The following ADAM12 variants were observed in gnomAD, a reference collection of about 807,000 sequenced individuals.
ADAM12 encodes ADAM metallopeptidase domain 12.
Under a neutral mutation model 106.4 loss-of-function variants are expected in ADAM12, and 70 were observed. The observed-to-expected ratio is 0.66, with a 90% CI of 0.54 to 0.80. The LOEUF is 0.80. ADAM12 is among the 30% of genes least tolerant of loss of function. The probability of loss-of-function intolerance (pLI) is 0.00; values close to 1 mark genes in which losing one functional copy is unlikely to be tolerated. For synonymous variants in ADAM12, 420 were observed against 433.5 expected, an observed-to-expected ratio of 0.97 and a Z score of 0.39; for missense variants, 1,010 against 1,171.9, an observed-to-expected ratio of 0.86 and a Z score of 2.02.
chr10:126,309,105 C>A (rs1417322715), intron 2 of ADAM12, among the ~76,000 whole-genome samples: 1 of 152,208 alleles, frequency 6.6e-6, no homozygotes, highest in Non-Finnish European at 1.5e-5. Flanking sequence ...AGAGTGGACA[C>A]ATGGCCCAGG....
intron 2 of ADAM12, among the ~76,000 whole-genome samples, chr10:126,314,655 C>A (rs1033244154): frequency 1.3e-5 from 2 of 152,074 alleles, no homozygotes; most frequent in African/African-American, 2.4e-5. Context: ...AAAATTACAC[C>A]CCCAAAATGT....
rs116652444 is a variant in ADAM12, at chr10:126,236,779, G to A, written c.260+42136C>T. 8.9e-3 allele frequency among the ~76,000 whole-genome samples: 1,355 copies of A among 151,992 alleles called. 20 individuals carry two copies. The highest frequency in any genetic ancestry group is 0.031 in the African/African-American group (1,268 of 41,426). Reference sequence around the variant, plus strand: ...AGGAGCATCACAGGAAGGAGCACCCGCAGGAAGGAGCCCATGAAGGAACCA... The same window carrying A: ...AGGAGCATCACAGGAAGGAGCACCCACAGGAAGGAGCCCATGAAGGAACCA... On this transcript the variant is annotated intron_variant, in intron 3 of 22. Coordinates refer to ENST00000448723, the MANE Select transcript of ADAM12 (RefSeq NM_001288973.2).
chr10:126,267,997 T>C (rs1959134042), intron 3 of ADAM12, among the ~76,000 whole-genome samples: 2 of 152,160 alleles, frequency 1.3e-5, no homozygotes, highest in Non-Finnish European at 2.9e-5. Context: ...ATTTTAACCA[T>C]TTGCAATTGC....
chr10:126,351,850 C>G (rs184446130), intron 1 of ADAM12, among the ~76,000 whole-genome samples: 1 of 152,162 alleles, frequency 6.6e-6, no homozygotes, highest in African/African-American at 2.4e-5. Flanking sequence ...ATAATCCCCC[C>G]ACTCCAGCAC....
intron 3 of ADAM12, among the ~76,000 whole-genome samples, chr10:126,211,389 G>C (rs1283754189): frequency 6.6e-6 from 1 of 152,224 alleles, no homozygotes; most frequent in Non-Finnish European, 1.5e-5. Flanking sequence ...TCTTCTTTCA[G>C]TGGTTGCCAA....
At chr10:126,084,737 A>C (rs1334870877) in intron 11 of ADAM12, among the ~76,000 whole-genome samples, 1 of 152,184 alleles carries the variant, frequency 6.6e-6, no homozygotes, top group African/African-American at 2.4e-5. Context: ...GGAACTCAAG[A>C]ATGGGAAAGA....
At chr10:126,178,785 G>A (rs898724037) in intron 3 of ADAM12, among the ~76,000 whole-genome samples, 4 of 152,198 alleles carry the variant, frequency 2.6e-5, no homozygotes, top group Admixed American at 1.3e-4. Context: ...AGTGGCTCAC[G>A]CCTGTAATCC....
chr10:126,362,530 C>T lies in ADAM12; in HGVS notation c.88+25528G>A, dbSNP rs996011437. Among the ~76,000 whole-genome samples the T allele has an allele frequency of 1.5e-4, 23 of 151,890 alleles. 1 individual carries two copies. Among genetic ancestry groups the T allele is most frequent in the African/African-American group, 5.6e-4 (23 of 41,326 alleles). On this transcript the variant is annotated intron_variant, in intron 1 of 22. Coordinates refer to ENST00000448723, the MANE Select transcript of ADAM12 (RefSeq NM_001288973.2). ...GCATTGCAGCAATATTCACGATAGT[C>T]AAGTTATAGAATTAACCCAAGCATC...
intron 12 of ADAM12, chr10:126,067,012 A>G: frequency 1.9e-6 from 1 of 534,690 alleles, no homozygotes; most frequent in Non-Finnish European, 3.4e-6. Context: ...CCCTGGAAAA[A>G]GCCAGTAGCA....
chr10:126,170,664 G>A (rs985028616), intron 3 of ADAM12, among the ~76,000 whole-genome samples: 1 of 152,134 alleles, frequency 6.6e-6, no homozygotes, highest in African/African-American at 2.4e-5. Context: ...AGGAAGGATT[G>A]TAAAATATAA....
intron 4 of ADAM12, among the ~76,000 whole-genome samples, chr10:126,143,695 T>C (rs1956570129): frequency 6.6e-6 from 1 of 151,862 alleles, no homozygotes; most frequent in Non-Finnish European, 1.5e-5. Context: ...TGGGTGTGCA[T>C]GTGTGTATAT....
chr10:126,239,105 T>C (rs1036490753), intron 3 of ADAM12, among the ~76,000 whole-genome samples: 1 of 152,234 alleles, frequency 6.6e-6, no homozygotes, highest in Non-Finnish European at 1.5e-5. Flanking sequence ...ACAAGTTTTT[T>C]AGCATGCAGT....
intron 1 of ADAM12, among the ~76,000 whole-genome samples, chr10:126,355,117 G>A (rs138916719): frequency 8.4e-4 from 128 of 152,248 alleles, no homozygotes; most frequent in Non-Finnish European, 1.6e-3. Context: ...AACAAAAAAT[G>A]TATAGTTTTA....
intron 4 of ADAM12, among the ~76,000 whole-genome samples, chr10:126,137,330 T>A (rs1381686865): frequency 6.6e-6 from 1 of 152,216 alleles, no homozygotes; most frequent in African/African-American, 2.4e-5. Context: ...CAATGACTAT[T>A]GCTCTATACT....
chr10:126,322,437 C>T (rs1336174897), intron 2 of ADAM12, among the ~76,000 whole-genome samples: 4 of 152,190 alleles, frequency 2.6e-5, no homozygotes, highest in African/African-American at 4.8e-5. Context: ...CCAGGGGCCA[C>T]GTGGCAATGC....
chr10:126,260,194 C>T (rs1389917058), intron 3 of ADAM12, among the ~76,000 whole-genome samples: 1 of 152,230 alleles, frequency 6.6e-6, no homozygotes, highest in African/African-American at 2.4e-5. Context: ...CAGATCTGTC[C>T]TGGGACAACA....
Position 126,241,289 on chromosome 10 carries a change from T to C in ADAM12, c.260+37626A>G, listed in dbSNP as rs555608840. ...GTTTTTGGAGAGGATGGAAATGTTC[T>C]GGAATTAGATAGTGGTGACAGCTGT... On this transcript the variant is annotated intron_variant, in intron 3 of 22. Coordinates refer to ENST00000448723, the MANE Select transcript of ADAM12 (RefSeq NM_001288973.2). 2.0e-5 allele frequency among the ~76,000 whole-genome samples: 3 copies of C among 152,338 alleles called. No individual in the cohort carries two copies. In the South Asian group the frequency reaches 6.2e-4, roughly 32 times the overall value.
rs1173383284 is a variant in ADAM12 at position 126,071,599 on chromosome 10, G to C, written c.1201C>G (p.Leu401Val). 2 of 1,613,990 alleles carry C rather than the reference G, an allele frequency of 1.2e-6. No homozygotes were observed. The highest frequency in any genetic ancestry group is 3.3e-5 in the Admixed American group (2 of 59,988). Residue 401 changes from leucine (L) to valine (V), a missense_variant, in exon 12 of 23, where the codon CTG becomes GTG. This residue lies in a region of ADAM12 where 615 missense variants were observed against 708.5 expected (regional missense o/e 0.87). Transcript: ENST00000448723. ...SCSRKDLETS[L>V]EKGMGVCLFN... The stretch of plus-strand genomic sequence containing the variant: ...AGGCACACCCCCATTCCTTTCTCCA[G>C]GCTGGTCTCCAAGTCCTTCCTGCTG...
At chr10:126,089,982 GT>G (rs765766876) in intron 11 of ADAM12, among the ~76,000 whole-genome samples, 11 of 151,996 alleles carry the variant, frequency 7.2e-5, no homozygotes, top group Non-Finnish European at 1.5e-4. Flanking sequence ...TAGAGACAGG[GT>G]CTTGCTATGT....
Sources: allele counts gnomAD v4.1 joint callset (sites outside exome capture counted in the v4.1 genomes callset), GRCh38; gene constraint gnomAD v4.1.1; regional missense constraint gnomAD v4.1.1; transcripts MANE v1.5; gene names NCBI Gene and HGNC (gene_info 2026-07-23, HGNC 2026-07-21).